Variants in HDGFL3 observed in about 807,000 individuals in gnomAD.
HDGFL3 encodes the protein hepatoma-derived growth factor-related protein 3.
HDGFL3 carries 6 observed loss-of-function variants against 27.6 expected under a neutral mutation model. The observed-to-expected ratio is 0.22, with a 90% CI of 0.12 to 0.43. The LOEUF (loss-of-function observed/expected upper bound fraction) is 0.43, where lower values mean the gene tolerates loss of function less well. Among genes scored for constraint, HDGFL3 ranks in the 20% least tolerant of loss-of-function variants. The probability of loss-of-function intolerance (pLI) is 1.00; values close to 1 mark genes in which losing one functional copy is unlikely to be tolerated. For synonymous variants in HDGFL3, 88 were observed against 88.9 expected, an observed-to-expected ratio of 0.99 and a Z score of 0.05; for missense variants, 207 against 250.1, an observed-to-expected ratio of 0.83 and a Z score of 1.16.
chr15:83,143,698 T>C (rs145257386), intron 5 of HDGFL3, among the ~76,000 whole-genome samples: 3,051 of 152,282 alleles, frequency 0.02, 47 homozygotes, highest in Non-Finnish European at 0.029. Context: ...AGGCATTGTA[T>C]GACGGAATAA....
intron 1 of HDGFL3, among the ~76,000 whole-genome samples, chr15:83,189,839 G>T (rs1257998845): frequency 6.6e-6 from 1 of 152,110 alleles, no homozygotes; most frequent in East Asian, 1.9e-4. Flanking sequence ...TACATTGAAA[G>T]CAACCAATGT....
rs1285986372 is a variant in HDGFL3 at position 83,116,020 on chromosome 15, C to T, written c.394-279G>A. Reference sequence around the variant, plus strand: ...ATCACATTACTCAGAGACAGAAATCCTCTCATTTAGTGTGAACAGGTACGC... The same window carrying T: ...ATCACATTACTCAGAGACAGAAATCTTCTCATTTAGTGTGAACAGGTACGC... On this transcript the variant is annotated intron_variant, in intron 3 of 3. Coordinates refer to the HDGFL3 transcript ENST00000568294. The T allele has an allele frequency of 4.3e-6, 5 of 1,164,904 alleles. No individual in the cohort carries two copies. In the Admixed American group the frequency reaches 7.0e-5, roughly 16 times the overall value. 72.2% of individuals were successfully genotyped at this position (1,164,904 alleles called of 1,614,324 possible).
At chr15:83,151,128 T>A (rs184451424) in intron 5 of HDGFL3, 87 bp downstream of exon 5, 10 of 1,203,506 alleles carry the variant, frequency 8.3e-6, no homozygotes, top group African/African-American at 7.6e-5. Flanking sequence ...ATCAACACAA[T>A]GTTTACTAAT....
chr15:83,165,519 A>G (rs1196035319), intron 1 of HDGFL3, among the ~76,000 whole-genome samples: 1 of 152,018 alleles, frequency 6.6e-6, no homozygotes, highest in East Asian at 1.9e-4. Context: ...ACCCTCCACT[A>G]CCCACCTCTT....
chr15:83,157,207 G>A, intron 4 of HDGFL3: 1 of 585,112 alleles, frequency 1.7e-6, no homozygotes, highest in Non-Finnish European at 3.0e-6. Flanking sequence ...GTATTTTCAG[G>A]GCCAAATCAG....
rs868844059 is a variant in HDGFL3, at chr15:83,132,298, T to C, written c.*6972A>G. 1.3e-5 allele frequency: 2 copies of C among 152,198 alleles called. No individual in the cohort carries two copies. Among genetic ancestry groups the C allele is most frequent in the South Asian group, 4.1e-4 (2 of 4,824 alleles). 9.4% of individuals were successfully genotyped at this position (152,198 alleles called of 1,614,324 possible). On this transcript the variant is annotated 3_prime_UTR_variant, in exon 6 of 6. Transcript: ENST00000299633. The stretch of plus-strand genomic sequence containing the variant: ...GAAGATTAACCTGAAGACAAACTAA[T>C]TAAATTAAGTGTATTGTATATAATT...
rs775394619 is a variant in HDGFL3, at chr15:83,207,388, G to A, written c.27C>T (p.Tyr9=). 7.3e-7 allele frequency: 1 copy of A among 1,374,976 alleles called. No individual in the cohort carries two copies. The highest frequency in any genetic ancestry group is 9.5e-7 in the Non-Finnish European group (1 of 1,057,522). 85.2% of individuals were successfully genotyped at this position (1,374,976 alleles called of 1,614,324 possible). A position where few individuals can be genotyped will look rare whatever the true frequency, so the allele number is the denominator to read the frequency against. The change falls in exon 1 of 6, where the codon TAC becomes TAT. Residue 9 remains tyrosine, a synonymous_variant. Transcript: ENST00000299633. This position sits in a 1 kb window ranked among gnomAD's most constrained non-coding sequence, Gnocchi z 4.8. ...TGGCGAAGACCAGGTCGCCCGCTTTGTACTCGCGGGGCCGCGGACGCGCCA... is the reference window on the plus strand; with the variant it reads ...TGGCGAAGACCAGGTCGCCCGCTTTATACTCGCGGGGCCGCGGACGCGCCA... MARPRPRE[Y]KAGDLVFAKM... is the part of the protein sequence containing the mutation.
rs113154070 is a variant in HDGFL3 at position 83,177,084 on chromosome 15, A to G, written c.85-13009T>C. Among the ~76,000 whole-genome samples, 1,458 of 152,116 alleles carry G rather than the reference A, an allele frequency of 9.6e-3. 25 individuals carry two copies. Among genetic ancestry groups the G allele is most frequent in the African/African-American group, 0.033 (1,362 of 41,490 alleles). On this transcript the variant is annotated intron_variant, in intron 1 of 5. Transcript: ENST00000299633. ...AGGCACGTGTCACTATGCCTGGCTAATTTTTTGTATTTTTAGTAGAGACAG... is the reference window on the plus strand; with the variant it reads ...AGGCACGTGTCACTATGCCTGGCTAGTTTTTTGTATTTTTAGTAGAGACAG...
Position 83,122,450 on chromosome 15 carries a change from T to C in HDGFL3, c.394-6709A>G, listed in dbSNP as rs186755081. On this transcript the variant is annotated intron_variant, in intron 3 of 3. Coordinates refer to the HDGFL3 transcript ENST00000568294. The stretch of plus-strand genomic sequence containing the variant: ...AGGGAGATAGATATATACAAACATA[T>C]ATAGATACCTATCTAGATGTATTTT... 2.0e-3 allele frequency among the ~76,000 whole-genome samples: 304 copies of C among 152,296 alleles called. 1 individual carries two copies. The highest frequency in any genetic ancestry group is 7.0e-3 in the African/African-American group (291 of 41,556).
Position 83,139,115 on chromosome 15 carries a change from A to AGG in HDGFL3, c.*154_*155insCC. 2.2e-6 allele frequency: 1 copy of AGG among 444,536 alleles called. No individual in the cohort carries two copies. The highest frequency in any genetic ancestry group is 4.0e-6 in the Non-Finnish European group (1 of 247,520). 27.5% of individuals were successfully genotyped at this position (444,536 alleles called of 1,614,324 possible). On this transcript the variant is annotated 3_prime_UTR_variant, in exon 6 of 6. Coordinates refer to ENST00000299633, the MANE Select transcript of HDGFL3 (RefSeq NM_016073.4). ...AAAATGTCTTTTCCCCCCGAAACAC[A>AGG]ACAGAGAGGAATATGAATAATGTAC...
At position 83,131,161 on chromosome 15, in the gene HDGFL3, G is replaced by A. The variant is rs2036215860; in HGVS notation, c.*8109C>T. 6.6e-6 allele frequency: 1 copy of A among 152,000 alleles called. No homozygotes were observed. Among genetic ancestry groups the A allele is most frequent in the Non-Finnish European group, 1.5e-5 (1 of 68,006 alleles). 9.4% of individuals were successfully genotyped at this position (152,000 alleles called of 1,614,324 possible). ...TTCTGTAACTTTAATCAGCATCTTT[G>A]CTTGCTAAAATTGCCATTCTTATTT... On this transcript the variant is annotated 3_prime_UTR_variant, in exon 6 of 6. Coordinates refer to ENST00000299633, the MANE Select transcript of HDGFL3 (RefSeq NM_016073.4).
At chr15:83,143,237 C>T (rs1206112447) in intron 5 of HDGFL3, among the ~76,000 whole-genome samples, 1 of 152,106 alleles carries the variant, frequency 6.6e-6, no homozygotes, top group Non-Finnish European at 1.5e-5. Flanking sequence ...GTGTTGAACT[C>T]CTGACCTCAG....
At chr15:83,163,870 T>A (rs2037130287) in intron 2 of HDGFL3, 129 bp downstream of exon 2, 2 of 650,568 alleles carry the variant, frequency 3.1e-6, no homozygotes, top group Admixed American at 2.9e-5. Flanking sequence ...AAATACATTA[T>A]TAACTTTGGC....
At chr15:83,124,871 G>C, downstream of HDGFL3, 1 of 1,085,632 alleles carries the variant, frequency 9.2e-7, no homozygotes, top group Non-Finnish European at 1.4e-6. Flanking sequence ...TTTTCCATCA[G>C]ACTTCTTAGC....
At chr15:83,180,636 CTT>C (rs1363342547) in intron 1 of HDGFL3, among the ~76,000 whole-genome samples, 4 of 145,952 alleles carry the variant, frequency 2.7e-5, no homozygotes, top group Non-Finnish European at 5.9e-5. Flanking sequence ...AAACATGTAA[CTT>C]ATCAATTTTT....
intron 3 of HDGFL3, chr15:83,116,043 C>T (rs915926580): frequency 2.1e-5 from 19 of 904,314 alleles, no homozygotes; most frequent in South Asian, 4.4e-5. Flanking sequence ...TGAACAGGTA[C>T]GCTACGCAGG....
chr15:83,200,595 A>T (rs992147127), intron 1 of HDGFL3, among the ~76,000 whole-genome samples: 1 of 152,240 alleles, frequency 6.6e-6, no homozygotes, highest in African/African-American at 2.4e-5. Context: ...TTAATTAGCA[A>T]ATAGTTCTTT....
At chr15:83,181,606 G>A (rs184769573) in intron 1 of HDGFL3, among the ~76,000 whole-genome samples, 2 of 152,236 alleles carry the variant, frequency 1.3e-5, no homozygotes, top group Admixed American at 1.3e-4. Context: ...CTTCCGAGTA[G>A]CTGGGATTAC....
intron 1 of HDGFL3, among the ~76,000 whole-genome samples, chr15:83,185,455 C>T (rs1057043331): frequency 6.6e-6 from 1 of 152,204 alleles, no homozygotes; most frequent in South Asian, 2.1e-4. Context: ...GGTGACTGCA[C>T]TGGGATTGGC....
Sources: gnomAD v4.1 joint callset for allele counts (sites outside exome capture counted in the v4.1 genomes callset) on GRCh38, gnomAD v4.1.1 for gene constraint, Gnocchi (gnomAD v3.1) non-coding constraint, MANE v1.5 for transcripts, NCBI Gene and HGNC (gene_info 2026-07-23, HGNC 2026-07-21) for gene names.